ZNF516: variants seen among roughly 807,000 people sequenced by gnomAD.
The protein encoded by ZNF516 is zinc finger protein 516.
Under a neutral mutation model 79.7 loss-of-function variants are expected in ZNF516, and 19 were observed. The ratio of observed to expected loss-of-function variants is 0.24; its 90% CI spans 0.17 to 0.35. The LOEUF is 0.35. Ranked by LOEUF, ZNF516 falls within the 10% of genes least tolerant of loss-of-function variation. The probability of loss-of-function intolerance (pLI) is 1.00; values close to 1 mark genes in which losing one functional copy is unlikely to be tolerated. For synonymous variants in ZNF516, 877 were observed against 739.5 expected, an observed-to-expected ratio of 1.19 and a Z score of -3.02; for missense variants, 1,678 against 1,679.5, an observed-to-expected ratio of 1.00 and a Z score of 0.02.
intron 3 of ZNF516, among the ~76,000 whole-genome samples, chr18:76,430,027 C>T (rs1007861037): frequency 1.3e-5 from 2 of 152,146 alleles, no homozygotes; most frequent in African/African-American, 2.4e-5. Context: ...TGAAAATTCC[C>T]GAGCCAGTAT....
intron 3 of ZNF516, among the ~76,000 whole-genome samples, chr18:76,414,378 G>C (rs1230766292): frequency 6.6e-6 from 1 of 152,198 alleles, no homozygotes; most frequent in African/African-American, 2.4e-5. Context: ...TATTTTAAGG[G>C]TTTTCATCCC....
At chr18:76,481,856 A>G (rs944949864) in intron 1 of ZNF516, among the ~76,000 whole-genome samples, 1 of 152,150 alleles carries the variant, frequency 6.6e-6, no homozygotes, top group Non-Finnish European at 1.5e-5. Flanking sequence ...AATGGGAAAC[A>G]GTAATGTTGA....
chr18:76,472,430 C>T (rs1423059405), intron 1 of ZNF516, among the ~76,000 whole-genome samples: 1 of 152,218 alleles, frequency 6.6e-6, no homozygotes, highest in African/African-American at 2.4e-5. Flanking sequence ...TACACAGGCG[C>T]ACTTACACGT....
Position 76,442,219 on chromosome 18 carries a change from T to G in ZNF516, c.836A>C (p.His279Pro). 1 of 1,613,792 alleles carries G rather than the reference T, an allele frequency of 6.2e-7. No homozygotes were observed. Among genetic ancestry groups the G allele is most frequent in the Non-Finnish European group, 8.5e-7 (1 of 1,179,850 alleles). The change falls in exon 3 of 7, where the codon CAC becomes CCC. Residue 279 changes from histidine (H) to proline (P), a missense_variant. This residue lies in a region of ZNF516 where 17 missense variants were observed against 51.8 expected (regional missense o/e 0.33). Coordinates refer to ENST00000443185, the MANE Select transcript of ZNF516 (RefSeq NM_014643.4). Reference protein sequence around the residue: ...KHRGSFDHGCHICGRRFKEPW... With the variant: ...KHRGSFDHGCPICGRRFKEPW... The stretch of plus-strand genomic sequence containing the variant: ...CTCCTTGAACCTACGGCCGCAGATG[T>G]GGCAGCCGTGGTCGAAGGAGCCCCG...
intron 1 of ZNF516, among the ~76,000 whole-genome samples, chr18:76,476,932 T>A (rs1914208061): frequency 1.3e-5 from 2 of 152,176 alleles, no homozygotes. Flanking sequence ...AAATTGCACT[T>A]GTGGAGACTC....
At position 76,358,606 on chromosome 18, in the gene ZNF516, G is replaced by A. The variant is rs1416197164; in HGVS notation, c.*3892C>T. 1.3e-5 allele frequency: 2 copies of A among 152,212 alleles called. No homozygotes were observed. The highest frequency in any genetic ancestry group is 6.5e-5 in the Admixed American group (1 of 15,286). 9.4% of individuals were successfully genotyped at this position (152,212 alleles called of 1,614,324 possible). A position where few individuals can be genotyped will look rare whatever the true frequency, so the allele number is the denominator to read the frequency against. On this transcript the variant is annotated 3_prime_UTR_variant, in exon 7 of 7. Coordinates refer to ENST00000443185, the MANE Select transcript of ZNF516 (RefSeq NM_014643.4). ...TGTTTTTTTGCTCAGTGAACAAAACGTTCTGAAATTAGAACTCACCAAAGT... is the reference window on the plus strand; with the variant it reads ...TGTTTTTTTGCTCAGTGAACAAAACATTCTGAAATTAGAACTCACCAAAGT...
chr18:76,418,089 C>G (rs2145352526), intron 3 of ZNF516, among the ~76,000 whole-genome samples: 1 of 152,340 alleles, frequency 6.6e-6, no homozygotes, highest in African/African-American at 2.4e-5. Context: ...CATTCACTGT[C>G]AACACACACT....
intron 4 of ZNF516, among the ~76,000 whole-genome samples, chr18:76,378,554 T>C (rs1351877991): frequency 6.6e-6 from 1 of 152,212 alleles, no homozygotes; most frequent in Non-Finnish European, 1.5e-5. Context: ...GGAAACGTCC[T>C]CTCAGCAGGA....
At chr18:76,370,445 C>A in intron 6 of ZNF516, 83 bp downstream of exon 6, 3 of 1,303,028 alleles carry the variant, frequency 2.3e-6, no homozygotes, top group Non-Finnish European at 2.1e-6. Flanking sequence ...AAAAGAAGGT[C>A]ATGCTTCAGT....
chr18:76,402,006 C>G (rs2075236601), intron 3 of ZNF516, among the ~76,000 whole-genome samples: 1 of 149,080 alleles, frequency 6.7e-6, no homozygotes, highest in Non-Finnish European at 1.5e-5. Context: ...CGCGTGTGTA[C>G]ACGTTTGTGT....
Position 76,464,183 on chromosome 18 carries a change from A to AGTACTTTAAAAATTTTTAATGTACTAAAG in ZNF516, c.-271-1071_-271-1043dup, listed in dbSNP as rs1306462792. Among the ~76,000 whole-genome samples, 21 of 152,076 alleles carry AGTACTTTAAAAATTTTTAATGTACTAAAG rather than the reference A, an allele frequency of 1.4e-4. No individual in the cohort carries two copies. The East Asian group carries it at 2.7e-3, about 20-fold the overall frequency. ...TACTAAAAATACAAAAAAAAATTTT[A>AGTACTTTAAAAATTTTTAATGTACTAAAG]GTACTTTAAAAATTTTTAATGTACT... On this transcript the variant is annotated intron_variant, in intron 1 of 6. Coordinates refer to ENST00000443185, the MANE Select transcript of ZNF516 (RefSeq NM_014643.4).
chr18:76,431,322 A>C (rs1189269733), intron 3 of ZNF516, among the ~76,000 whole-genome samples: 1 of 152,242 alleles, frequency 6.6e-6, no homozygotes, highest in African/African-American at 2.4e-5. Flanking sequence ...AAGAAAGTCT[A>C]AACTTATGAA....
rs1223608527 is a variant in ZNF516, at chr18:76,493,555, T to C, written c.-272+1589A>G. The C allele has an allele frequency of 6.6e-6, 1 of 152,234 alleles. No individual in the cohort carries two copies. Among genetic ancestry groups the C allele is most frequent in the Non-Finnish European group, 1.5e-5 (1 of 68,038 alleles). 9.4% of individuals were successfully genotyped at this position (152,234 alleles called of 1,614,324 possible). A position where few individuals can be genotyped will look rare whatever the true frequency, so the allele number is the denominator to read the frequency against. On this transcript the variant is annotated intron_variant, in intron 1 of 6. Transcript: ENST00000443185. The surrounding 1 kb of genome is among the most constrained non-coding windows in gnomAD (Gnocchi z 5.2). ...GAACTGACCTATTTTTGGCTGGAGA[T>C]AAACGATCATGTTAACAGATGTTAA...
At chr18:76,439,294 T>C (rs1037750815) in intron 3 of ZNF516, among the ~76,000 whole-genome samples, 12 of 152,332 alleles carry the variant, frequency 7.9e-5, no homozygotes, top group South Asian at 2.1e-4. Flanking sequence ...TTGGTGTTTT[T>C]AGATAGAAAG....
Position 76,380,224 on chromosome 18 carries a change from C to T in ZNF516, c.1890G>A (p.Met630Ile), listed in dbSNP as rs377252829. 3.7e-6 allele frequency: 6 copies of T among 1,614,002 alleles called. No individual in the cohort carries two copies. Among genetic ancestry groups the T allele is most frequent in the Admixed American group, 3.3e-5 (2 of 60,032 alleles). Residue 630 changes from methionine (M) to isoleucine (I), a missense_variant, in exon 4 of 7, where the codon ATG becomes ATA. By Grantham distance (10) the Met-to-Ile change is conservative. Transcript: ENST00000443185. ...ELSSGDQSHK[M>I]GDNASERDTG... is the part of the protein sequence containing the mutation. ...TGTCTCTTTCCGAGGCGTTATCTCC[C>T]ATCTTGTGACTCTGGTCTCCACTGG...
chr18:76,437,268 A>G (rs17354758), intron 3 of ZNF516, among the ~76,000 whole-genome samples: 2,451 of 152,256 alleles, frequency 0.016, 31 homozygotes, highest in Middle Eastern at 0.051. Flanking sequence ...GCACGTGCTC[A>G]GCAAACACCT....
intron 1 of ZNF516, among the ~76,000 whole-genome samples, chr18:76,487,680 C>T (rs1914907867): frequency 6.6e-6 from 1 of 152,164 alleles, no homozygotes; most frequent in Non-Finnish European, 1.5e-5. Context: ...TGATAGTTCT[C>T]ATCCAATGGT....
intron 1 of ZNF516, among the ~76,000 whole-genome samples, chr18:76,478,604 G>C (rs1914312623): frequency 6.6e-6 from 1 of 152,078 alleles, no homozygotes. Context: ...AGATGACATA[G>C]AGAATATATA....
rs1911829517 is a variant in ZNF516, at chr18:76,443,140, G to C, written c.-86C>G. 1 of 1,467,674 alleles carries C rather than the reference G, an allele frequency of 6.8e-7. No individual in the cohort carries two copies. The highest frequency in any genetic ancestry group is 1.3e-5 in the South Asian group (1 of 74,332). The allele number at this position is 1,467,674 out of a possible 1,614,324, so 90.9% of individuals were successfully genotyped here. On this transcript the variant is annotated 5_prime_UTR_variant, in exon 3 of 7. Coordinates refer to ENST00000443185, the MANE Select transcript of ZNF516 (RefSeq NM_014643.4). ...CCGTCCTATCTCTCCATGGTCAGAAGAGCCAAAAGACGTGCCTGCTCCCAG... is the reference window on the plus strand; with the variant it reads ...CCGTCCTATCTCTCCATGGTCAGAACAGCCAAAAGACGTGCCTGCTCCCAG...
Sources: gnomAD v4.1 joint callset for allele counts (sites outside exome capture counted in the v4.1 genomes callset) on GRCh38, gnomAD v4.1.1 for gene constraint, gnomAD v4.1.1 regional missense constraint, Gnocchi (gnomAD v3.1) non-coding constraint, MANE v1.5 for transcripts, NCBI Gene and HGNC (gene_info 2026-07-23, HGNC 2026-07-21) for gene names.